The following CASK variants were observed in gnomAD, a reference collection of about 807,000 sequenced individuals.
CASK encodes calcium/calmodulin dependent serine protein kinase.
A neutral mutation model predicts 82.9 loss-of-function variants in CASK; 4 were observed. The observed-to-expected ratio is 0.05, with a 90% CI of 0.02 to 0.11. The LOEUF (loss-of-function observed/expected upper bound fraction) is 0.11, where lower values mean the gene tolerates loss of function less well. CASK is among the 10% of genes least tolerant of loss of function. CASK has a pLI of 1.00. For synonymous variants in CASK, 259 were observed against 253.5 expected (o/e 1.02, Z -0.20); for missense variants, 358 against 720.9 (o/e 0.50, Z 5.76).
intron 5 of CASK, among the ~76,000 whole-genome samples, chrX:41,718,627 G>A (rs1444848125): frequency 4.4e-5 from 5 of 112,376 alleles, no homozygotes; most frequent in African/African-American, 1.6e-4. Context: ...TTGAATGAGA[G>A]AATAGAAAAA....
At chrX:41,888,772 T>C (rs2072103199) in intron 1 of CASK, among the ~76,000 whole-genome samples, 1 of 73,074 alleles carries the variant, frequency 1.4e-5, no homozygotes, top group South Asian at 4.9e-4. Context: ...TGTATATATG[T>C]ATATATACAT....
chrX:41,735,250 A>G (rs1381178551), intron 5 of CASK, among the ~76,000 whole-genome samples: 2 of 111,912 alleles, frequency 1.8e-5, no homozygotes, highest in East Asian at 5.6e-4. Context: ...GAAAACTTAG[A>G]CAAAAACTTT....
chrX:41,585,138 C>T (rs2065637501), intron 14 of CASK: 1 of 106,027 alleles, frequency 9.4e-6, no homozygotes, highest in African/African-American at 3.3e-5. Flanking sequence ...AGAGAAAGTT[C>T]AAGAGAAGGG....
chrX:41,549,645 G>A (rs916920848), intron 21 of CASK, among the ~76,000 whole-genome samples: 2 of 110,646 alleles, frequency 1.8e-5, no homozygotes, highest in African/African-American at 6.6e-5. Flanking sequence ...TTCGAGACCA[G>A]CCTGGCCAAC....
Position 41,612,751 on chromosome X carries a change from T to TG in CASK, c.1034-2727dup, listed in dbSNP as rs756228813. Among the ~76,000 whole-genome samples, 262 of 34,521 alleles carry TG rather than the reference T, an allele frequency of 7.6e-3. 4 individuals carry two copies. The highest frequency in any genetic ancestry group is 0.014 in the African/African-American group (108 of 7,492). The allele number at this position is 34,521 out of a possible 115,157, so 30.0% of individuals were successfully genotyped here. On this transcript the variant is annotated intron_variant, in intron 11 of 26. Coordinates refer to ENST00000378163, the MANE Select transcript of CASK (RefSeq NM_001367721.1). ...CCAGCCACCCCGTCCGGGAGGGAGG[T>TG]GGGGGGGGGTCAACCCCCCGCCCGG...
At chrX:41,655,806 G>A (rs1466995596) in intron 8 of CASK, among the ~76,000 whole-genome samples, 1 of 111,726 alleles carries the variant, frequency 9.0e-6, no homozygotes, top group Non-Finnish European at 1.9e-5. Context: ...ATCAAAGAAG[G>A]TAAGATCACA....
Position 41,773,641 on chromosome X carries a change from A to G in CASK, c.278+13537T>C, listed in dbSNP as rs372263503. On this transcript the variant is annotated intron_variant, in intron 3 of 26. Coordinates refer to ENST00000378163, the MANE Select transcript of CASK (RefSeq NM_001367721.1). ...TTTCGTTCCTGTACAACCATCATAGAGTGTACTTACACAAACCTAGATGGG... is the reference window on the plus strand; with the variant it reads ...TTTCGTTCCTGTACAACCATCATAGGGTGTACTTACACAAACCTAGATGGG... Among the ~76,000 whole-genome samples the G allele has an allele frequency of 1.2e-4, 13 of 111,874 alleles. No individual in the cohort carries two copies. The South Asian group carries it at 4.8e-3, about 42-fold the overall frequency.
At chrX:41,611,574 C>T (rs771735624) in intron 11 of CASK, among the ~76,000 whole-genome samples, 1 of 108,705 alleles carries the variant, frequency 9.2e-6, no homozygotes, top group African/African-American at 3.3e-5. Flanking sequence ...GAGAAATCTT[C>T]ATGATATAGA....
intron 1 of CASK, among the ~76,000 whole-genome samples, chrX:41,865,332 T>C (rs1416583275): frequency 8.9e-6 from 1 of 111,796 alleles, no homozygotes. Flanking sequence ...CGTATTTCCT[T>C]CTGATAGCTT....
intron 3 of CASK, among the ~76,000 whole-genome samples, chrX:41,770,505 G>A (rs973781709): frequency 1.6e-4 from 18 of 110,527 alleles, no homozygotes; most frequent in Admixed American, 9.8e-4. Context: ...CCTGCCCTCA[G>A]CCTCCCAAGT....
At position 41,752,252 on chromosome X, in the gene CASK, C is replaced by T. The variant is rs188840486; in HGVS notation, c.279-6651G>A. Reference sequence around the variant, plus strand: ...GAAATTGAGAAATCATGCTAAATAGCCAATTAATCAAATAAGAAATCATCA... The same window carrying T: ...GAAATTGAGAAATCATGCTAAATAGTCAATTAATCAAATAAGAAATCATCA... On this transcript the variant is annotated intron_variant, in intron 3 of 26. Coordinates refer to ENST00000378163, the MANE Select transcript of CASK (RefSeq NM_001367721.1). Among the ~76,000 whole-genome samples the T allele has an allele frequency of 1.6e-3, 179 of 109,937 alleles. 1 individual carries two copies. Among genetic ancestry groups the T allele is most frequent in the African/African-American group, 5.7e-3 (171 of 30,251 alleles).
intron 16 of CASK, 176 bp from the exon 17 acceptor site, chrX:41,561,820 A>G (rs1370312504): frequency 2.3e-6 from 1 of 433,692 alleles, no homozygotes; most frequent in African/African-American, 2.5e-5. Flanking sequence ...AACCTCATCA[A>G]AACAGATATA....
At chrX:41,706,332 C>T (rs1484066624) in intron 5 of CASK, among the ~76,000 whole-genome samples, 2 of 111,053 alleles carry the variant, frequency 1.8e-5, no homozygotes, top group Non-Finnish European at 3.8e-5. Flanking sequence ...AGTAGTTTGA[C>T]ATTTATGATC....
intron 21 of CASK, among the ~76,000 whole-genome samples, chrX:41,548,647 T>C (rs1483214586): frequency 3.6e-5 from 4 of 111,429 alleles, no homozygotes; most frequent in Non-Finnish European, 7.5e-5. Flanking sequence ...AAGGCTTGCT[T>C]TGGGGATTCT....
chrX:41,578,238 C>G (rs770015557), intron 15 of CASK, 102 bp downstream of exon 15: 50 of 566,712 alleles, frequency 8.8e-5, no homozygotes, highest in Non-Finnish European at 1.3e-4. Flanking sequence ...CTATCCATGT[C>G]TTCCTTCCCT....
At chrX:41,879,365 T>A (rs2071902747) in intron 1 of CASK, among the ~76,000 whole-genome samples, 1 of 111,422 alleles carries the variant, frequency 9.0e-6, no homozygotes, top group Admixed American at 9.6e-5. Context: ...TACATACCTA[T>A]GACAAAGTTT....
chrX:41,682,190 T>C (rs891549593), intron 5 of CASK, among the ~76,000 whole-genome samples: 3 of 109,469 alleles, frequency 2.7e-5, no homozygotes, highest in African/African-American at 1.0e-4. Flanking sequence ...TTTATGTGGG[T>C]ATAAAAAAGA....
In CASK at chrX:41,759,554, A is replaced by C. The variant is rs150616106; in HGVS notation, c.279-13953T>G. Reference sequence around the variant, plus strand: ...TTTTTTCCCCTATCAAGGCTCTTAAAATGAGGGATTCTCCAAATACTTGAA... The same window carrying C: ...TTTTTTCCCCTATCAAGGCTCTTAACATGAGGGATTCTCCAAATACTTGAA... On this transcript the variant is annotated intron_variant, in intron 3 of 26. Coordinates refer to ENST00000378163, the MANE Select transcript of CASK (RefSeq NM_001367721.1). Among the ~76,000 whole-genome samples the C allele has an allele frequency of 4.8e-3, 536 of 111,127 alleles. 3 individuals carry two copies. Among genetic ancestry groups the C allele is most frequent in the African/African-American group, 0.016 (475 of 30,583 alleles).
chrX:41,922,023 A>G (rs1201906074), intron 1 of CASK, among the ~76,000 whole-genome samples: 1 of 111,931 alleles, frequency 8.9e-6, no homozygotes, highest in East Asian at 2.8e-4. Flanking sequence ...GATTGCCAGC[A>G]TTTCCTTCAC....
Sources: gnomAD v4.1 joint callset for allele counts (sites outside exome capture counted in the v4.1 genomes callset) on GRCh38, gnomAD v4.1.1 for gene constraint, MANE v1.5 for transcripts, NCBI Gene and HGNC (gene_info 2026-07-23, HGNC 2026-07-21) for gene names.